Variants in SLC35A3 observed in about 807,000 individuals in gnomAD.
SLC35A3 encodes the protein UDP-N-acetylglucosamine transporter.
Under a neutral mutation model 39.0 loss-of-function variants are expected in SLC35A3, and 26 were observed. The observed-to-expected ratio is 0.67, with a 90% CI of 0.49 to 0.92. SLC35A3 has a LOEUF of 0.92. Among genes scored for constraint, SLC35A3 ranks in the 40% least tolerant of loss-of-function variants. SLC35A3 has a pLI of 0.00. For missense variants in SLC35A3, 299 were observed against 371.6 expected (o/e 0.80, Z 1.61); for synonymous variants, 135 against 133.1 (o/e 1.01, Z -0.10).
At position 100,022,551 on chromosome 1, in the gene SLC35A3, C is replaced by T; in HGVS notation, c.*75C>T. The T allele has an allele frequency of 1.4e-6, 1 of 732,558 alleles. No homozygotes were observed. 45.4% of individuals were successfully genotyped at this position (732,558 alleles called of 1,614,324 possible). A position where few individuals can be genotyped will look rare whatever the true frequency, so the allele number is the denominator to read the frequency against. On this transcript the variant is annotated 3_prime_UTR_variant, in exon 8 of 8. Transcript: ENST00000533028. ...GACATTAATCTTGCACAGAGGACTT[C>T]TACAGAGTCTGAGAAGATATCATCA...
chr1:100,001,052 G>A (rs762853753), intron 3 of SLC35A3, among the ~76,000 whole-genome samples: 9 of 151,948 alleles, frequency 5.9e-5, no homozygotes, highest in Non-Finnish European at 1.2e-4. Context: ...TCTCTATTTT[G>A]TTCCATTGGT....
intron 1 of SLC35A3, among the ~76,000 whole-genome samples, chr1:99,989,851 G>A (rs1488142861): frequency 6.6e-6 from 1 of 151,806 alleles, no homozygotes; most frequent in African/African-American, 2.4e-5. Context: ...CTGCAGCCTT[G>A]ACCTTCTGGG....
At chr1:99,981,540 C>T (rs954351720) in intron 1 of SLC35A3, among the ~76,000 whole-genome samples, 54 of 151,916 alleles carry the variant, frequency 3.6e-4, no homozygotes, top group African/African-American at 1.3e-3. Flanking sequence ...AGTGTAGCAG[C>T]GGGATTTCGG....
chr1:99,999,197 G>T, intron 2 of SLC35A3, 64 bp from the exon 3 acceptor site: 1 of 1,044,530 alleles, frequency 9.6e-7, no homozygotes, highest in South Asian at 2.7e-5. Context: ...TTGAGATCTT[G>T]AGAGCAGATA....
At chr1:99,999,210 T>C (rs1183249128) in intron 2 of SLC35A3, 51 bp from the exon 3 acceptor site, 1 of 1,219,636 alleles carries the variant, frequency 8.2e-7, no homozygotes, top group Non-Finnish European at 1.1e-6. Flanking sequence ...AGCAGATATG[T>C]AACTTATTCA....
At chr1:99,995,685 G>C (rs1163551267) in intron 2 of SLC35A3, among the ~76,000 whole-genome samples, 2 of 152,168 alleles carry the variant, frequency 1.3e-5, no homozygotes, top group African/African-American at 4.8e-5. Context: ...CATTCCCATT[G>C]AGATGTCAAA....
chr1:99,987,136 T>G (rs1330185946), intron 1 of SLC35A3, among the ~76,000 whole-genome samples: 1 of 152,256 alleles, frequency 6.6e-6, no homozygotes. Flanking sequence ...GAGCCTGATA[T>G]AAGCTATATA....
chr1:99,997,978 T>TC (rs1277144868), intron 2 of SLC35A3, among the ~76,000 whole-genome samples: 1 of 152,072 alleles, frequency 6.6e-6, no homozygotes, highest in Admixed American at 6.6e-5. Flanking sequence ...TCTCTTTTTT[T>TC]CCTCTCCTGG....
At chr1:99,985,420 T>A (rs12733847) in intron 1 of SLC35A3, among the ~76,000 whole-genome samples, 1 of 152,232 alleles carries the variant, frequency 6.6e-6, no homozygotes, top group Admixed American at 6.5e-5. Context: ...GTTCCATTGG[T>A]CTATGTGCCT....
At position 100,030,416 on chromosome 1, in the gene SLC35A3, A is replaced by G. The variant is rs1661160129; in HGVS notation, c.*7940A>G. The G allele has an allele frequency of 6.6e-6, 1 of 152,266 alleles. No homozygotes were observed. Among genetic ancestry groups the G allele is most frequent in the Non-Finnish European group, 1.5e-5 (1 of 68,042 alleles). The allele number at this position is 152,266 out of a possible 1,614,324, so 9.4% of individuals were successfully genotyped here. ...GCGGCCTGCAGGCTGCATGCAGCCC[A>G]GGATGGCTTTGAATGTGGCTCAACA... is the stretch of plus-strand genomic sequence containing the variant. On this transcript the variant is annotated 3_prime_UTR_variant, in exon 8 of 8. Transcript: ENST00000533028.
At chr1:100,012,866 A>T (rs1659763479) in intron 5 of SLC35A3, among the ~76,000 whole-genome samples, 1 of 152,212 alleles carries the variant, frequency 6.6e-6, no homozygotes, top group Non-Finnish European at 1.5e-5. Context: ...TATAATACAT[A>T]GTATAGTGAT....
In SLC35A3 at chr1:100,024,635, T is replaced by G; in HGVS notation, c.*2159T>G. The G allele has an allele frequency of 2.7e-6, 1 of 371,524 alleles. No individual in the cohort carries two copies. Among genetic ancestry groups the G allele is most frequent in the Non-Finnish European group, 4.8e-6 (1 of 210,176 alleles). The allele number at this position is 371,524 out of a possible 1,614,324, so 23.0% of individuals were successfully genotyped here. ...AATAAAATACTTCTTTTTTTTTTTT[T>G]TTGAGACAGAGTCTCACTTTGTCGC... On this transcript the variant is annotated 3_prime_UTR_variant, in exon 8 of 8. Coordinates refer to ENST00000533028, the MANE Select transcript of SLC35A3 (RefSeq NM_012243.3).
chr1:99,995,778 G>C (rs2101153552), intron 2 of SLC35A3, among the ~76,000 whole-genome samples: 1 of 152,256 alleles, frequency 6.6e-6, no homozygotes, highest in East Asian at 1.9e-4. Context: ...AGATAACCTA[G>C]TGTATACTAG....
In SLC35A3 at chr1:100,011,386, G is replaced by A; in HGVS notation, c.487G>A (p.Asp163Asn). 1.9e-6 allele frequency: 3 copies of A among 1,539,546 alleles called. No individual in the cohort carries two copies. Among genetic ancestry groups the A allele is most frequent in the Non-Finnish European group, 2.6e-6 (3 of 1,139,878 alleles). The part of the protein sequence containing the change: ...FVQWPSDSQL[D>N]SKELSAGSQF... ...TTAGTGGCCCTCAGATTCTCAGCTT[G>A]ATTCTAAGGAACTTTCAGCTGGTTC... is the stretch of plus-strand genomic sequence containing the variant. The change falls in exon 5 of 8, where the codon GAT becomes AAT. Residue 163 changes from aspartate (D) to asparagine (N), a missense_variant. Asp to Asn is a conservative substitution (Grantham distance 23, BLOSUM62 1). Transcript: ENST00000533028.
chr1:100,034,323 T>C lies in SLC35A3; in HGVS notation c.*11847T>C, dbSNP rs889378718. On this transcript the variant is annotated 3_prime_UTR_variant, in exon 8 of 8. Coordinates refer to ENST00000533028, the MANE Select transcript of SLC35A3 (RefSeq NM_012243.3). ...CTGTGATTTAGTTTTCATTTTTAGA[T>C]GATTTTATCTTTTCAGTATATTGCC... The C allele has an allele frequency of 7.2e-5, 11 of 152,140 alleles. No homozygotes were observed. The highest frequency in any genetic ancestry group is 1.5e-4 in the Non-Finnish European group (10 of 68,034). 9.4% of individuals were successfully genotyped at this position (152,140 alleles called of 1,614,324 possible).
In SLC35A3 at chr1:100,031,503, T is replaced by G. The variant is rs554086040; in HGVS notation, c.*9027T>G. On this transcript the variant is annotated 3_prime_UTR_variant, in exon 8 of 8. Transcript: ENST00000533028. ...AAATACAATTGCCCCTCTGTAAACGTGGGGGATTGGTTCCAGGACCCCCAC... is the reference window on the plus strand; with the variant it reads ...AAATACAATTGCCCCTCTGTAAACGGGGGGGATTGGTTCCAGGACCCCCAC... The G allele has an allele frequency of 6.6e-6, 1 of 152,236 alleles. No homozygotes were observed. The highest frequency in any genetic ancestry group is 2.4e-5 in the African/African-American group (1 of 41,520). 9.4% of individuals were successfully genotyped at this position (152,236 alleles called of 1,614,324 possible). A position where few individuals can be genotyped will look rare whatever the true frequency, so the allele number is the denominator to read the frequency against.
chr1:100,011,442 A>T lies in SLC35A3; in HGVS notation c.543A>T (p.Thr181=), dbSNP rs746093643. The change falls in exon 5 of 8, where the codon ACA becomes ACT. Residue 181 remains threonine (T), a synonymous_variant. Coordinates refer to ENST00000533028, the MANE Select transcript of SLC35A3 (RefSeq NM_012243.3). ...TTGTAGGACTCATGGCAGTTCTCAC[A>T]GCATGTTTTTCAAGTGGCTTTGCTG... ...SQFVGLMAVL[T]ACFSSGFAGV... is the part of the protein sequence containing the mutation. The T allele has an allele frequency of 1.1e-4, 172 of 1,585,716 alleles. No individual in the cohort carries two copies. The highest frequency in any genetic ancestry group is 1.4e-4 in the Non-Finnish European group (163 of 1,160,390).
intron 6 of SLC35A3, 137 bp downstream of exon 6, chr1:100,015,557 A>C (rs997555132): frequency 6.4e-6 from 6 of 930,892 alleles, no homozygotes; most frequent in Middle Eastern, 3.6e-4. Flanking sequence ...TTATTCAAGG[A>C]AGTGAAAATA....
intron 4 of SLC35A3, chr1:100,009,027 T>C (rs1297497369): frequency 2.0e-5 from 3 of 152,240 alleles, no homozygotes; most frequent in Non-Finnish European, 4.4e-5. Context: ...AGGGATGATA[T>C]TGGAGTTAAA....
Sources: allele counts gnomAD v4.1 joint callset (sites outside exome capture counted in the v4.1 genomes callset), GRCh38; gene constraint gnomAD v4.1.1; transcripts MANE v1.5; gene names NCBI Gene and HGNC (gene_info 2026-07-23, HGNC 2026-07-21).